Variants in PELI2 observed in about 807,000 individuals in gnomAD.
PELI2 encodes pellino E3 ubiquitin protein ligase family member 2.
A neutral mutation model predicts 42.3 loss-of-function variants in PELI2; 23 were observed. The observed-to-expected ratio is 0.54, with a 90% CI of 0.39 to 0.77. The LOEUF is 0.77. Ranked by LOEUF, PELI2 falls within the 30% of genes least tolerant of loss-of-function variation. The pLI, the probability that PELI2 is intolerant of heterozygous loss-of-function variation, is 0.00. For missense variants in PELI2, 463 were observed against 553.2 expected, an observed-to-expected ratio of 0.84 and a Z score of 1.64; for synonymous variants, 245 against 212.2, an observed-to-expected ratio of 1.15 and a Z score of -1.34.
chr14:56,142,500 T>A (rs1469460464), intron 1 of PELI2, among the ~76,000 whole-genome samples: 1 of 152,190 alleles, frequency 6.6e-6, no homozygotes, highest in African/African-American at 2.4e-5. Flanking sequence ...TTGTGGGGGC[T>A]TAGTAGAAAT....
chr14:56,176,724 T>C (rs1007707470), intron 1 of PELI2, among the ~76,000 whole-genome samples: 1 of 152,218 alleles, frequency 6.6e-6, no homozygotes, highest in African/African-American at 2.4e-5. Flanking sequence ...AATCACATTA[T>C]TGCTGTCAAG....
intron 2 of PELI2, among the ~76,000 whole-genome samples, chr14:56,234,166 G>A (rs572583350): frequency 4.9e-4 from 75 of 152,308 alleles, no homozygotes; most frequent in Admixed American, 1.3e-3. Context: ...CTGTAAACTA[G>A]TTCAACCATT....
chr14:56,124,741 A>C (rs775403430), intron 1 of PELI2, among the ~76,000 whole-genome samples: 4 of 152,250 alleles, frequency 2.6e-5, no homozygotes, highest in African/African-American at 4.8e-5. Flanking sequence ...GCCATGTGCC[A>C]GGATGAGATG....
intron 3 of PELI2, among the ~76,000 whole-genome samples, chr14:56,282,113 G>C (rs1355147051): frequency 1.3e-5 from 2 of 152,052 alleles, no homozygotes; most frequent in African/African-American, 4.8e-5. Context: ...CAGAGTTATT[G>C]CTCAAAGCAT....
chr14:56,151,385 T>A (rs2139621855), intron 1 of PELI2, among the ~76,000 whole-genome samples: 1 of 152,358 alleles, frequency 6.6e-6, no homozygotes, highest in East Asian at 1.9e-4. Context: ...CCCAGGTACT[T>A]CAACTGTGAT....
chr14:56,192,005 C>T (rs1416805755), intron 2 of PELI2, among the ~76,000 whole-genome samples: 3 of 152,094 alleles, frequency 2.0e-5, no homozygotes, highest in South Asian at 4.1e-4. Context: ...CAGGCACATG[C>T]CACCACCCCC....
chr14:56,238,241 A>G (rs565015857), intron 2 of PELI2, among the ~76,000 whole-genome samples: 23 of 152,264 alleles, frequency 1.5e-4, no homozygotes, highest in African/African-American at 5.5e-4. Flanking sequence ...TTGCAGTTCT[A>G]TTGACTTTTA....
intron 2 of PELI2, among the ~76,000 whole-genome samples, chr14:56,223,387 T>A (rs1445372377): frequency 6.6e-6 from 1 of 152,178 alleles, no homozygotes; most frequent in Non-Finnish European, 1.5e-5. Context: ...ATTCTCCCCC[T>A]TGACTCATAT....
intron 1 of PELI2, 46 bp downstream of exon 1, chr14:56,118,783 G>GCTCCC: frequency 1.5e-6 from 2 of 1,311,736 alleles, no homozygotes; most frequent in Non-Finnish European, 2.1e-6. Context: ...CGGGCGGGGA[G>GCTCCC]CGCCCGCATC....
intron 2 of PELI2, among the ~76,000 whole-genome samples, chr14:56,225,108 A>G (rs1179595449): frequency 6.6e-6 from 1 of 152,198 alleles, no homozygotes; most frequent in Non-Finnish European, 1.5e-5. Context: ...GTGCGTGTGC[A>G]TATGTAATCA....
intron 2 of PELI2, among the ~76,000 whole-genome samples, chr14:56,266,320 C>T (rs934786743): frequency 2.6e-5 from 4 of 151,806 alleles, no homozygotes; most frequent in East Asian, 3.9e-4. Context: ...ACTTTAAAGT[C>T]AAAACACAAA....
intron 5 of PELI2, among the ~76,000 whole-genome samples, chr14:56,292,159 T>C (rs945090388): frequency 5.3e-5 from 8 of 152,352 alleles, no homozygotes; most frequent in Middle Eastern, 3.4e-3. Flanking sequence ...TGGCTTGTAT[T>C]AATGAGTTGT....
chr14:56,235,916 T>C (rs1887776647), intron 2 of PELI2, among the ~76,000 whole-genome samples: 1 of 152,222 alleles, frequency 6.6e-6, no homozygotes, highest in Non-Finnish European at 1.5e-5. Context: ...CTGAGTGGTT[T>C]TTGATTCAAT....
At chr14:56,170,074 C>T (rs1278552621) in intron 1 of PELI2, among the ~76,000 whole-genome samples, 1 of 152,182 alleles carries the variant, frequency 6.6e-6, no homozygotes, top group Non-Finnish European at 1.5e-5. Context: ...CTGTCTGTCT[C>T]TAGTGTCACG....
chr14:56,233,427 A>T (rs1488905571), intron 2 of PELI2, among the ~76,000 whole-genome samples: 1 of 152,200 alleles, frequency 6.6e-6, no homozygotes, highest in African/African-American at 2.4e-5. Flanking sequence ...ATGGAACAGA[A>T]CAGAGCCCTC....
chr14:56,275,729 G>A (rs757707942), intron 2 of PELI2, among the ~76,000 whole-genome samples: 6 of 152,152 alleles, frequency 3.9e-5, no homozygotes, highest in African/African-American at 7.2e-5. Flanking sequence ...GCTGTGTGCC[G>A]TGGTTCCTAA....
intron 1 of PELI2, among the ~76,000 whole-genome samples, chr14:56,157,020 C>T (rs904639292): frequency 2.0e-5 from 3 of 152,150 alleles, no homozygotes; most frequent in Non-Finnish European, 4.4e-5. Context: ...TTGACTGACT[C>T]CTAGCATCCA....
intron 5 of PELI2, 39 bp from the exon 6 acceptor site, chr14:56,296,560 AT>A: frequency 7.4e-7 from 1 of 1,350,424 alleles, no homozygotes. Context: ...GATTTGCTTG[AT>A]TTTGCTTTTA....
intron 2 of PELI2, among the ~76,000 whole-genome samples, chr14:56,255,944 G>C (rs1888513049): frequency 6.6e-6 from 1 of 152,148 alleles, no homozygotes; most frequent in Admixed American, 6.5e-5. Context: ...CTCCCAGCTT[G>C]CTTGTCTATG....
Sources: allele counts gnomAD v4.1 joint callset (sites outside exome capture counted in the v4.1 genomes callset), GRCh38; gene constraint gnomAD v4.1.1; transcripts MANE v1.5; gene names NCBI Gene and HGNC (gene_info 2026-07-23, HGNC 2026-07-21).